ACSM1: variants seen among roughly 807,000 people sequenced by gnomAD.
ACSM1 encodes the protein acyl-CoA synthetase medium chain family member 1.
A neutral mutation model predicts 75.8 loss-of-function variants in ACSM1; 79 were observed. That is an observed-to-expected ratio of 1.04 (90% CI 0.87 to 1.26). ACSM1 has a LOEUF of 1.26. ACSM1 is among the 50% of genes most tolerant of loss of function. The pLI is 0.00. For synonymous variants in ACSM1, 279 were observed against 265.8 expected, an observed-to-expected ratio of 1.05 and a Z score of -0.48; for missense variants, 676 against 720.1, an observed-to-expected ratio of 0.94 and a Z score of 0.70.
rs138973928 is a variant in ACSM1 at position 20,631,124 on chromosome 16, C to G, written c.1300-3808G>C. ...GTGGGTTATAAACAATAGATATTATCTCTTAGAGCTCTGGAGACTGGGAAT... is the reference window on the plus strand; with the variant it reads ...GTGGGTTATAAACAATAGATATTATGTCTTAGAGCTCTGGAGACTGGGAAT... On this transcript the variant is annotated intron_variant, in intron 10 of 13. Coordinates refer to ENST00000520010, the MANE Select transcript of ACSM1 (RefSeq NM_001318890.3). Among the ~76,000 whole-genome samples, 19 of 152,306 alleles carry G rather than the reference C, an allele frequency of 1.2e-4. No homozygotes were observed. In the East Asian group the frequency reaches 3.7e-3, roughly 29 times the overall value.
At chr16:20,641,763 G>T (rs2018076781) in intron 7 of ACSM1, among the ~76,000 whole-genome samples, 1 of 152,156 alleles carries the variant, frequency 6.6e-6, no homozygotes, top group African/African-American at 2.4e-5. Flanking sequence ...GGCCTGATCA[G>T]CCCAACATTC....
chr16:20,661,935 A>G (rs1441503395), intron 6 of ACSM1, 62 bp from the exon 7 acceptor site: 5 of 1,131,468 alleles, frequency 4.4e-6, no homozygotes, highest in Non-Finnish European at 6.7e-6. Flanking sequence ...ACAGCCAATT[A>G]TTAGCAGTCT....
chr16:20,661,680 T>C (rs189041572), intron 7 of ACSM1, 114 bp downstream of exon 7: 13 of 706,610 alleles, frequency 1.8e-5, no homozygotes, highest in African/African-American at 3.6e-5. Context: ...CACCAACACT[T>C]AACACACAAA....
intron 1 of ACSM1, among the ~76,000 whole-genome samples, chr16:20,694,746 C>A (rs1273329899): frequency 6.6e-6 from 1 of 152,080 alleles, no homozygotes; most frequent in Non-Finnish European, 1.5e-5. Flanking sequence ...AAGTACGAAC[C>A]CCAATATTTC....
intron 7 of ACSM1, among the ~76,000 whole-genome samples, chr16:20,659,599 T>A (rs1440252202): frequency 2.0e-5 from 3 of 152,208 alleles, no homozygotes; most frequent in Non-Finnish European, 2.9e-5. Flanking sequence ...CAAAACATGT[T>A]TCTCCGCCAT....
At chr16:20,690,707 T>C (rs921716891) in intron 2 of ACSM1, among the ~76,000 whole-genome samples, 1 of 152,176 alleles carries the variant, frequency 6.6e-6, no homozygotes, top group Non-Finnish European at 1.5e-5. Flanking sequence ...TGACTAGAAC[T>C]TTGCACCTGG....
In ACSM1 at chr16:20,637,423, A is replaced by G. The variant is rs759470307; in HGVS notation, c.1145T>C (p.Met382Thr). ...TGLICATYWG[M>T]KIKPGFMGKA... ...CCCCATGAAACCCGGCTTGATCTTC[A>G]TTCCCCAGTAGGTGGCACAAATTAG... Residue 382 changes from methionine (M) to threonine (T), a missense_variant, in exon 9 of 14, where the codon ATG (methionine) becomes ACG (threonine). By Grantham distance (81) the Met-to-Thr change is moderately conservative. Coordinates refer to ENST00000520010, the MANE Select transcript of ACSM1 (RefSeq NM_001318890.3). The G allele has an allele frequency of 1.9e-6, 3 of 1,614,064 alleles. No individual in the cohort carries two copies. Among genetic ancestry groups the G allele is most frequent in the Non-Finnish European group, 2.5e-6 (3 of 1,180,000 alleles).
At chr16:20,626,023 T>G (rs2016902601) in intron 11 of ACSM1, among the ~76,000 whole-genome samples, 1 of 152,216 alleles carries the variant, frequency 6.6e-6, no homozygotes, top group South Asian at 2.1e-4. Flanking sequence ...TTTTTTCTTT[T>G]GTGGTAAGAA....
chr16:20,682,523 C>A, intron 3 of ACSM1, 60 bp from the exon 4 acceptor site: 1 of 1,398,512 alleles, frequency 7.2e-7, no homozygotes, highest in South Asian at 1.2e-5. Flanking sequence ...GGGCTTTAGA[C>A]TTGGCTTGTC....
intron 10 of ACSM1, among the ~76,000 whole-genome samples, chr16:20,632,547 C>T (rs2017412319): frequency 6.6e-6 from 1 of 152,208 alleles, no homozygotes; most frequent in African/African-American, 2.4e-5. Context: ...TAGTTATCAA[C>T]ACCTTCCAAA....
chr16:20,636,830 T>G lies in ACSM1; in HGVS notation c.1208A>C (p.Asp403Ala), dbSNP rs749744776. 1 of 1,613,702 alleles carries G rather than the reference T, an allele frequency of 6.2e-7. No homozygotes were observed. The highest frequency in any genetic ancestry group is 8.5e-7 in the Non-Finnish European group (1 of 1,179,860). ...GTTAGGTGGCAGGATGCTGCCCTTGTCATCAATGACCTGTAGCAAGAGGCC... is the reference window on the plus strand; with the variant it reads ...GTTAGGTGGCAGGATGCTGCCCTTGGCATCAATGACCTGTAGCAAGAGGCC... ...TPPYDVQVID[D>A]KGSILPPNTE... Residue 403 changes from aspartate to alanine, a missense_variant, in exon 10 of 14, where the codon GAC becomes GCC. Coordinates refer to ENST00000520010, the MANE Select transcript of ACSM1 (RefSeq NM_001318890.3).
At chr16:20,625,941 G>A (rs2016896554) in intron 11 of ACSM1, among the ~76,000 whole-genome samples, 1 of 152,130 alleles carries the variant, frequency 6.6e-6, no homozygotes, top group Non-Finnish European at 1.5e-5. Flanking sequence ...ATGTTTTGAT[G>A]TACATATACA....
chr16:20,653,795 G>A (rs2018785365), intron 7 of ACSM1, among the ~76,000 whole-genome samples: 1 of 152,176 alleles, frequency 6.6e-6, no homozygotes, highest in African/African-American at 2.4e-5. Context: ...CTCATGAGTA[G>A]GAAGAATCAA....
intron 6 of ACSM1, among the ~76,000 whole-genome samples, chr16:20,665,790 A>G (rs1229414557): frequency 4.6e-5 from 7 of 152,300 alleles, no homozygotes; most frequent in South Asian, 4.1e-4. Flanking sequence ...ATTCACCATG[A>G]TCAAGTAGGC....
chr16:20,650,376 G>C (rs145521437), intron 7 of ACSM1, among the ~76,000 whole-genome samples: 2 of 152,110 alleles, frequency 1.3e-5, no homozygotes, highest in Non-Finnish European at 2.9e-5. Context: ...GGGTGATCAG[G>C]GGACTCGTGG....
At chr16:20,683,234 C>T (rs957549920) in intron 3 of ACSM1, among the ~76,000 whole-genome samples, 4 of 152,102 alleles carry the variant, frequency 2.6e-5, no homozygotes, top group African/African-American at 7.2e-5. Context: ...TGTCCTGTCT[C>T]AGCCTCTCCA....
intron 7 of ACSM1, among the ~76,000 whole-genome samples, chr16:20,659,119 C>T (rs756562865): frequency 6.6e-6 from 1 of 152,156 alleles, no homozygotes; most frequent in African/African-American, 2.4e-5. Context: ...GAACATAGAT[C>T]TGATCTGGGA....
intron 7 of ACSM1, among the ~76,000 whole-genome samples, chr16:20,646,640 T>C (rs923728125): frequency 7.2e-5 from 11 of 152,222 alleles, no homozygotes; most frequent in African/African-American, 2.2e-4. Flanking sequence ...CATGTCTTTC[T>C]AATTATGCCT....
At chr16:20,642,499 C>A (rs1193906184) in intron 7 of ACSM1, among the ~76,000 whole-genome samples, 1 of 152,174 alleles carries the variant, frequency 6.6e-6, no homozygotes, top group South Asian at 2.1e-4. Context: ...AGGCTAGAGC[C>A]AAGGGAGACC....
Sources: allele counts gnomAD v4.1 joint callset (sites outside exome capture counted in the v4.1 genomes callset), GRCh38; gene constraint gnomAD v4.1.1; transcripts MANE v1.5; gene names NCBI Gene and HGNC (gene_info 2026-07-23, HGNC 2026-07-21).